The following USP42 variants were observed in gnomAD, a reference collection of about 807,000 sequenced individuals.
USP42 encodes the protein ubiquitin carboxyl-terminal hydrolase 42.
Under a neutral mutation model 113.0 loss-of-function variants are expected in USP42, and 23 were observed. The observed-to-expected ratio is 0.20, with a 90% CI of 0.15 to 0.29. The LOEUF (loss-of-function observed/expected upper bound fraction) is 0.29, where lower values mean the gene tolerates loss of function less well. Among genes scored for constraint, USP42 ranks in the 10% least tolerant of loss-of-function variants. USP42 has a pLI of 1.00. For missense variants in USP42, 2,174 were observed against 1,779.8 expected, an observed-to-expected ratio of 1.22 and a Z score of -3.99; for synonymous variants, 933 against 699.0, an observed-to-expected ratio of 1.33 and a Z score of -5.28.
chr7:6,114,557 ACAGT>A (rs1010844338), intron 2 of USP42, among the ~76,000 whole-genome samples: 1 of 150,002 alleles, frequency 6.7e-6, no homozygotes, highest in African/African-American at 2.5e-5. Context: ...TTTACATGAA[ACAGT>A]CATTCAGTGT....
intron 4 of USP42, 124 bp from the exon 5 acceptor site, chr7:6,138,968 T>G (rs1781305361): frequency 1.6e-6 from 1 of 621,836 alleles, no homozygotes; most frequent in Non-Finnish European, 2.7e-6. Context: ...TAGTGCTATT[T>G]CCTCATAAAG....
At position 6,139,226 on chromosome 7, in the gene USP42, A is replaced by G. The variant is rs771324237; in HGVS notation, c.656+32A>G. The G allele has an allele frequency of 1.4e-6, 2 of 1,468,616 alleles. No homozygotes were observed. The highest frequency in any genetic ancestry group is 1.3e-5 in the South Asian group (1 of 79,280). The allele number at this position is 1,468,616 out of a possible 1,614,324, so 91.0% of individuals were successfully genotyped here. A position where few individuals can be genotyped will look rare whatever the true frequency, so the allele number is the denominator to read the frequency against. ...ACAACAGAGCGCCAGCCATGTCTTC[A>G]TTGGGGATCTCTGGTTGTAGTTTAT... On this transcript the variant is annotated intron_variant, in intron 5 of 17. Coordinates refer to ENST00000306177, the MANE Select transcript of USP42 (RefSeq NM_032172.3). This position sits in a 1 kb window ranked among gnomAD's most constrained non-coding sequence, Gnocchi z 4.5.
the USP42 span, among the ~76,000 whole-genome samples, chr7:6,092,101 TCTTCTTCTTCTTCTTCCTCTTC>T: frequency 7.3e-6 from 1 of 136,070 alleles, no homozygotes; most frequent in East Asian, 2.0e-4. Context: ...TTCTTCCTCC[TCTTCTTCTTCTTCTTCCTCTTC>T]CTTCTTCTTC....
Position 6,142,932 on chromosome 7 carries a change from G to T in USP42, c.796G>T (p.Ala266Ser), listed in dbSNP as rs1461326089. The T allele has an allele frequency of 6.2e-7, 1 of 1,613,760 alleles. No homozygotes were observed. Among genetic ancestry groups the T allele is most frequent in the East Asian group, 2.2e-5 (1 of 44,884 alleles). ...PYLDITLEIK[A>S]AQSVNKALEQ... ...GTGTTTGTGCCTCTTCTCTTCCCAGGCTGCTCAGAGTGTCAACAAGGCATT... is the reference window on the plus strand; with the variant it reads ...GTGTTTGTGCCTCTTCTCTTCCCAGTCTGCTCAGAGTGTCAACAAGGCATT... Residue 266 changes from alanine to serine, a missense_variant and splice_region_variant, in exon 8 of 18, where the codon GCT becomes TCT. Coordinates refer to ENST00000306177, the MANE Select transcript of USP42 (RefSeq NM_032172.3).
Position 6,157,014 on chromosome 7 carries a change from A to G in USP42, c.3902A>G (p.Glu1301Gly), listed in dbSNP as rs189616708. 4 of 1,613,038 alleles carry G rather than the reference A, an allele frequency of 2.5e-6. No homozygotes were observed. The African/African-American group carries it at 4.0e-5, about 16-fold the overall frequency. Residue 1301 changes from glutamate (E) to glycine (G), a missense_variant, in exon 16 of 18, where the codon GAA (glutamate) becomes GGA (glycine). By Grantham distance (98) the Glu-to-Gly change is moderately conservative. Coordinates refer to ENST00000306177, the MANE Select transcript of USP42 (RefSeq NM_032172.3). This position sits in a 1 kb window ranked among gnomAD's most constrained non-coding sequence, Gnocchi z 4.1. ...GAGAAAACGAAACACTTACGGATGG[A>G]AAGCAGGGATGACAGGTGTCGTCTC... ...FREKTKHLRM[E>G]SRDDRCRLFE...
chr7:6,130,717 A>T (rs1329261342), intron 3 of USP42, among the ~76,000 whole-genome samples: 1 of 152,014 alleles, frequency 6.6e-6, no homozygotes, highest in Non-Finnish European at 1.5e-5. Context: ...TGATGTTTTA[A>T]TGTCTTTTGT....
chr7:6,154,299 C>A lies in USP42; in HGVS notation c.2745C>A (p.Asp915Glu). The A allele has an allele frequency of 7.6e-6, 12 of 1,586,614 alleles. No homozygotes were observed. Among genetic ancestry groups the A allele is most frequent in the Non-Finnish European group, 1.0e-5 (12 of 1,167,266 alleles). The stretch of plus-strand genomic sequence containing the variant: ...CCCCGGCCGGTCACCCGGAAGGGGA[C>A]GCTGAGCCTAGCCCCGGCGAGAGGG... ...DMAPAGHPEG[D>E]AEPSPGERVE... The change falls in exon 15 of 18, where the codon GAC (aspartate) becomes GAA (glutamate). Residue 915 changes from aspartate (D) to glutamate (E), a missense_variant. Coordinates refer to ENST00000306177, the MANE Select transcript of USP42 (RefSeq NM_032172.3).
chr7:6,099,017 T>C, the USP42 span, among the ~76,000 whole-genome samples: 1 of 150,000 alleles, frequency 6.7e-6, no homozygotes, highest in Non-Finnish European at 1.5e-5. Context: ...GTCCTGACTT[T>C]GGTGTTAGAG....
chr7:6,089,184 A>G, the USP42 span, among the ~76,000 whole-genome samples: 4 of 149,232 alleles, frequency 2.7e-5, no homozygotes, highest in Non-Finnish European at 3.0e-5. Flanking sequence ...AGCTGGGACT[A>G]CAGGCGCCCG....
upstream of USP42, among the ~76,000 whole-genome samples, chr7:6,102,392 G>T (rs984278359): frequency 2.0e-5 from 3 of 150,274 alleles, no homozygotes; most frequent in South Asian, 2.1e-4. Flanking sequence ...GATTACAGGC[G>T]TGAGCCACCA....
chr7:6,089,625 C>T, the USP42 span, among the ~76,000 whole-genome samples: 303 of 149,304 alleles, frequency 2.0e-3, 16 homozygotes, highest in African/African-American at 7.1e-3. Context: ...CTTCGCCTCC[C>T]GGGTTCAAAC....
the USP42 span, among the ~76,000 whole-genome samples, chr7:6,099,296 C>T: frequency 7.3e-6 from 1 of 137,352 alleles, no homozygotes; most frequent in East Asian, 2.3e-4. Flanking sequence ...CTCATTGCAA[C>T]CTAGGCCTCC....
At chr7:6,094,630 G>A in the USP42 span, among the ~76,000 whole-genome samples, 1 of 151,162 alleles carries the variant, frequency 6.6e-6, no homozygotes, top group Admixed American at 6.6e-5. Context: ...GTTTTTGCAG[G>A]GGTCAGACTG....
Position 6,157,229 on chromosome 7 carries a change from C to A in USP42, c.3943+174C>A. 7.1e-7 allele frequency: 1 copy of A among 1,404,914 alleles called. No homozygotes were observed. The highest frequency in any genetic ancestry group is 9.2e-7 in the Non-Finnish European group (1 of 1,084,406). 87.0% of individuals were successfully genotyped at this position (1,404,914 alleles called of 1,614,324 possible). A position where few individuals can be genotyped will look rare whatever the true frequency, so the allele number is the denominator to read the frequency against. ...CAGTGCTCATCCCTGCAGTGTGGTTCCGTTGCACAGTTAAGCCCTTAGCGT... is the reference window on the plus strand; with the variant it reads ...CAGTGCTCATCCCTGCAGTGTGGTTACGTTGCACAGTTAAGCCCTTAGCGT... On this transcript the variant is annotated intron_variant, in intron 16 of 17. Transcript: ENST00000306177. The surrounding 1 kb of genome is among the most constrained non-coding windows in gnomAD (Gnocchi z 4.1).
At chr7:6,087,094 C>T in the USP42 span, among the ~76,000 whole-genome samples, 1,225 of 146,174 alleles carry the variant, frequency 8.4e-3, 75 homozygotes, top group African/African-American at 0.031. Flanking sequence ...TGCAGTGGTG[C>T]GATCTCAGCC....
rs370744249 is a variant in USP42 at position 6,154,167 on chromosome 7, C to G, written c.2613C>G (p.Leu871=). Residue 871 remains leucine, a synonymous_variant, in exon 15 of 18, where the codon CTC becomes CTG. Coordinates refer to ENST00000306177, the MANE Select transcript of USP42 (RefSeq NM_032172.3). ...CGGAGGAGCCCTGCGAGCAGCCACT[C>G]CTTGTTCACCCCAGCGGGGACCACG... is the stretch of plus-strand genomic sequence containing the variant. ...ARSEEPCEQP[L]LVHPSGDHAR... The G allele has an allele frequency of 8.0e-5, 127 of 1,596,044 alleles. 1 individual carries two copies. The East Asian group carries it at 1.7e-3, about 22-fold the overall frequency.
chr7:6,124,793 T>C (rs1305299566), intron 3 of USP42, among the ~76,000 whole-genome samples: 1 of 152,226 alleles, frequency 6.6e-6, no homozygotes, highest in African/African-American at 2.4e-5. Context: ...TATGATTTTA[T>C]TTAATCTGCT....
chr7:6,123,148 C>T (rs1178494134), intron 3 of USP42, among the ~76,000 whole-genome samples: 2 of 152,086 alleles, frequency 1.3e-5, no homozygotes, highest in Non-Finnish European at 2.9e-5. Context: ...TTGATGAACT[C>T]ATTTCGTTAC....
chr7:6,117,576 G>C (rs947878678), intron 3 of USP42, among the ~76,000 whole-genome samples: 1 of 152,200 alleles, frequency 6.6e-6, no homozygotes, highest in African/African-American at 2.4e-5. Context: ...AAAATGGCTT[G>C]GTCCTGGGGT....
Sources: gnomAD v4.1 joint callset for allele counts (sites outside exome capture counted in the v4.1 genomes callset) on GRCh38, gnomAD v4.1.1 for gene constraint, Gnocchi (gnomAD v3.1) non-coding constraint, MANE v1.5 for transcripts, NCBI Gene and HGNC (gene_info 2026-07-23, HGNC 2026-07-21) for gene names.